The following ERCC6 variants were observed in gnomAD, a reference collection of about 807,000 sequenced individuals.
ERCC6 encodes the protein ERCC excision repair 6, chromatin remodeling factor, also known as DNA excision repair protein ERCC-6.
ERCC6 carries 116 observed loss-of-function variants against 158.7 expected under a neutral mutation model. The observed-to-expected ratio is 0.73, with a 90% CI of 0.63 to 0.85. The LOEUF is 0.85. ERCC6 is among the 40% of genes least tolerant of loss of function. The pLI, the probability that ERCC6 is intolerant of heterozygous loss-of-function variation, is 0.00. For synonymous variants in ERCC6, 678 were observed against 659.3 expected, an observed-to-expected ratio of 1.03 and a Z score of -0.43; for missense variants, 1,698 against 1,799.4, an observed-to-expected ratio of 0.94 and a Z score of 1.02.
chr10:49,504,492 T>G (rs1851411294), intron 6 of ERCC6: 1 of 152,168 alleles, frequency 6.6e-6, no homozygotes, highest in Non-Finnish European at 1.5e-5. Flanking sequence ...AAATGCAGAC[T>G]CAACTTGATC....
At chr10:49,477,981 T>C (rs145751821) in intron 11 of ERCC6, among the ~76,000 whole-genome samples, 1 of 152,300 alleles carries the variant, frequency 6.6e-6, no homozygotes, top group East Asian at 1.9e-4. Flanking sequence ...TGTGACACTC[T>C]CCCTCAAGAA....
At chr10:49,499,033 C>T (rs567989806) in intron 7 of ERCC6, among the ~76,000 whole-genome samples, 77 of 152,234 alleles carry the variant, frequency 5.1e-4, no homozygotes, top group Admixed American at 7.8e-4. Flanking sequence ...TTATTTGAAA[C>T]AGAAAAAGCA....
rs1250053168 is a variant in ERCC6, at chr10:49,489,116, A to G, written c.1821+4001T>C. ...CTTTTTTAACCACGCCCTGCACTTC[A>G]CTGTTTCCATCTGGGGCCAAATGTA... is the stretch of plus-strand genomic sequence containing the variant. On this transcript the variant is annotated intron_variant, in intron 8 of 20. Coordinates refer to ENST00000355832, the MANE Select transcript of ERCC6 (RefSeq NM_000124.4). Among the ~76,000 whole-genome samples the G allele has an allele frequency of 2.0e-5, 3 of 152,154 alleles. No individual in the cohort carries two copies. The East Asian group carries it at 5.8e-4, about 29-fold the overall frequency.
At chr10:49,498,008 T>C (rs571293329) in intron 7 of ERCC6, among the ~76,000 whole-genome samples, 2 of 152,316 alleles carry the variant, frequency 1.3e-5, no homozygotes, top group Admixed American at 1.3e-4. Flanking sequence ...TTATTTCCTT[T>C]TCATTATAAG....
At chr10:49,461,331 T>C (rs755815763) in intron 19 of ERCC6, 21 bp downstream of exon 19, 9 of 1,609,888 alleles carry the variant, frequency 5.6e-6, no homozygotes, top group Non-Finnish European at 7.6e-6. Context: ...CTTGCAAGTA[T>C]GGCATGCAGC....
At chr10:49,483,114 C>T (rs987672118) in intron 9 of ERCC6, among the ~76,000 whole-genome samples, 3 of 152,114 alleles carry the variant, frequency 2.0e-5, no homozygotes, top group Admixed American at 6.5e-5. Flanking sequence ...TGGTTACATT[C>T]TAACAACTGG....
intron 15 of ERCC6, 193 bp from the exon 16 acceptor site, chr10:49,472,663 GTTTGTAACT>G: frequency 5.4e-6 from 4 of 738,244 alleles, no homozygotes; most frequent in Non-Finnish European, 6.8e-6. Flanking sequence ...TTGAAAAAAT[GTTTGTAACT>G]TTGCCTATGT....
intron 5 of ERCC6, among the ~76,000 whole-genome samples, chr10:49,517,400 A>G (rs1321878238): frequency 6.6e-6 from 1 of 152,186 alleles, no homozygotes; most frequent in African/African-American, 2.4e-5. Context: ...GCATGCCAGT[A>G]TCTGTAGCAG....
intron 4 of ERCC6, among the ~76,000 whole-genome samples, chr10:49,526,084 T>C (rs1022487040): frequency 3.0e-5 from 4 of 131,292 alleles, no homozygotes; most frequent in African/African-American, 1.2e-4. Context: ...TTTGGTTTTA[T>C]TTATATTTAT....
At chr10:49,515,743 G>A in intron 5 of ERCC6, 1 of 1,614,096 alleles carries the variant, frequency 6.2e-7, no homozygotes, top group Non-Finnish European at 8.5e-7. Flanking sequence ...CCCATGAACT[G>A]GTTATACACT....
At chr10:49,438,533 A>G in the ERCC6 span, among the ~76,000 whole-genome samples, 1 of 152,150 alleles carries the variant, frequency 6.6e-6, no homozygotes, top group Non-Finnish European at 1.5e-5. Context: ...GGGAGCTACA[A>G]TGCAACATTT....
intron 5 of ERCC6, among the ~76,000 whole-genome samples, chr10:49,512,324 A>T (rs1185245815): frequency 1.3e-5 from 2 of 152,214 alleles, no homozygotes; most frequent in Non-Finnish European, 2.9e-5. Flanking sequence ...CATCTACCTC[A>T]GAATACAACT....
chr10:49,446,686 G>A, the ERCC6 span, among the ~76,000 whole-genome samples: 3 of 152,316 alleles, frequency 2.0e-5, no homozygotes, highest in South Asian at 6.2e-4. Context: ...GCTGAGGCGG[G>A]AGGATCACTT....
chr10:49,454,120 G>GCAC (rs1850450863), downstream of ERCC6, among the ~76,000 whole-genome samples: 1 of 139,078 alleles, frequency 7.2e-6, no homozygotes, highest in African/African-American at 2.5e-5. Context: ...TTTCTCTGAG[G>GCAC]TTTTGCTCAT....
downstream of ERCC6, among the ~76,000 whole-genome samples, chr10:49,450,990 T>G (rs1159235071): frequency 2.6e-5 from 4 of 152,062 alleles, no homozygotes; most frequent in Non-Finnish European, 5.9e-5. Flanking sequence ...TTTTTGTATT[T>G]TTAGTGGAGA....
In ERCC6 at chr10:49,524,436, T is replaced by C. The variant is rs1343581485; in HGVS notation, c.994A>G (p.Ile332Val). 6 of 1,614,260 alleles carry C rather than the reference T, an allele frequency of 3.7e-6. No homozygotes were observed. Among genetic ancestry groups the C allele is most frequent in the East Asian group, 4.5e-5 (2 of 44,890 alleles). ...SKKEERLKKH[I>V]KKLQKRALQF... ...AAAGCCCTCTTCTGGAGTTTCTTGA[T>C]GTGCTTTTTCAAACGCTCCTCTTTT... The change falls in exon 5 of 21, where the codon ATC (isoleucine) becomes GTC (valine). Residue 332 changes from isoleucine (I) to valine (V), a missense_variant. By Grantham distance (29) the Ile-to-Val change is conservative. Coordinates refer to ENST00000355832, the MANE Select transcript of ERCC6 (RefSeq NM_000124.4).
At chr10:49,493,762 T>G (rs1275348888) in intron 7 of ERCC6, among the ~76,000 whole-genome samples, 1 of 152,162 alleles carries the variant, frequency 6.6e-6, no homozygotes, top group Non-Finnish European at 1.5e-5. Context: ...ATGGCCCAGG[T>G]GACATGGCTA....
chr10:49,445,451 C>T, the ERCC6 span, among the ~76,000 whole-genome samples: 1 of 152,068 alleles, frequency 6.6e-6, no homozygotes, highest in Non-Finnish European at 1.5e-5. Context: ...GTTGCTGAAG[C>T]TTTAGAACTA....
At chr10:49,435,580 GA>G in the ERCC6 span, among the ~76,000 whole-genome samples, 1 of 152,266 alleles carries the variant, frequency 6.6e-6, no homozygotes, top group African/African-American at 2.4e-5. Flanking sequence ...TGAATTGGAA[GA>G]AATCATATTG....
Sources: gnomAD v4.1 joint callset for allele counts (sites outside exome capture counted in the v4.1 genomes callset) on GRCh38, gnomAD v4.1.1 for gene constraint, MANE v1.5 for transcripts, NCBI Gene and HGNC (gene_info 2026-07-23, HGNC 2026-07-21) for gene names.